The following CENPT variants were observed in gnomAD, a reference collection of about 807,000 sequenced individuals.
The protein encoded by CENPT is interphase centromere complex protein 22.
CENPT carries 42 observed loss-of-function variants against 59.7 expected under a neutral mutation model. The ratio of observed to expected loss-of-function variants is 0.70; its 90% CI spans 0.55 to 0.91. The LOEUF is 0.91. Ranked by LOEUF, CENPT falls within the 40% of genes least tolerant of loss-of-function variation. The pLI, the probability that CENPT is intolerant of heterozygous loss-of-function variation, is 0.00. For missense variants in CENPT, 716 were observed against 713.4 expected, an observed-to-expected ratio of 1.00 and a Z score of -0.04; for synonymous variants, 295 against 289.6, an observed-to-expected ratio of 1.02 and a Z score of -0.19.
intron 6 of CENPT, 33 bp from the exon 7 acceptor site, chr16:67,832,141 C>G: frequency 6.2e-7 from 1 of 1,607,926 alleles, no homozygotes; most frequent in Admixed American, 1.7e-5. Context: ...GTGGGGCTGA[C>G]AGAACAGGCC....
chr16:67,832,319 T>C lies in CENPT; in HGVS notation c.202-4A>G. On this transcript the variant is annotated splice_region_variant and splice_polypyrimidine_tract_variant and intron_variant, in intron 5 of 15. Transcript: ENST00000562787. The stretch of plus-strand genomic sequence containing the variant: ...TATGGGCCGATCTGCCAACAGACTA[T>C]CGGCAAAGCACCAAGCAACCAGTCT... 6.2e-7 allele frequency: 1 copy of C among 1,614,090 alleles called. No homozygotes were observed. The highest frequency in any genetic ancestry group is 8.5e-7 in the Non-Finnish European group (1 of 1,179,960).
Position 67,835,616 on chromosome 16 carries a change from C to G in CENPT, c.-449G>C, listed in dbSNP as rs1024862653. On this transcript the variant is annotated 5_prime_UTR_variant, in exon 2 of 16. Coordinates refer to ENST00000562787, the MANE Select transcript of CENPT (RefSeq NM_025082.4). Reference sequence around the variant, plus strand: ...GAGGCAGAGGTTGCAGAGCTGAGATCGAGCCACACTACTCCAGCTTGGGCG... The same window carrying G: ...GAGGCAGAGGTTGCAGAGCTGAGATGGAGCCACACTACTCCAGCTTGGGCG... 1.3e-5 allele frequency: 2 copies of G among 151,790 alleles called. No homozygotes were observed. Among genetic ancestry groups the G allele is most frequent in the South Asian group, 2.1e-4 (1 of 4,818 alleles). 9.4% of individuals were successfully genotyped at this position (151,790 alleles called of 1,614,324 possible). A position where few individuals can be genotyped will look rare whatever the true frequency, so the allele number is the denominator to read the frequency against.
intron 1 of CENPT, among the ~76,000 whole-genome samples, chr16:67,836,592 C>T (rs2057736013): frequency 6.6e-6 from 1 of 151,848 alleles, no homozygotes; most frequent in African/African-American, 2.4e-5. Context: ...GGCCCACCGC[C>T]AAGCCCGGCT....
chr16:67,840,657 T>C (rs1567373159), intron 1 of CENPT, among the ~76,000 whole-genome samples: 1 of 151,934 alleles, frequency 6.6e-6, no homozygotes, highest in Non-Finnish European at 1.5e-5. Context: ...ACCTGGGTGA[T>C]GAAATAATCT....
chr16:67,828,437 C>T (rs2057628255), intron 15 of CENPT, 37 bp downstream of exon 15: 1 of 1,613,724 alleles, frequency 6.2e-7, no homozygotes, highest in Non-Finnish European at 8.5e-7. Context: ...CACCAAAACT[C>T]CCCCAGCCAG....
At chr16:67,834,914 T>C (rs1308397766) in intron 3 of CENPT, among the ~76,000 whole-genome samples, 1 of 152,150 alleles carries the variant, frequency 6.6e-6, no homozygotes, top group African/African-American at 2.4e-5. Context: ...CAATCTCGGC[T>C]CACCGCAACC....
In CENPT at chr16:67,843,651, ATTGTTTCCTCC is replaced by A. The variant is rs2057780005; in HGVS notation, c.-492+3739_-492+3749del. 4 of 747,978 alleles carry A rather than the reference ATTGTTTCCTCC, an allele frequency of 5.3e-6. No individual in the cohort carries two copies. The highest frequency in any genetic ancestry group is 8.6e-6 in the Non-Finnish European group (4 of 466,822). 46.3% of individuals were successfully genotyped at this position (747,978 alleles called of 1,614,324 possible). The stretch of plus-strand genomic sequence containing the variant: ...TCTTGCTGGTGACCTGGCATCCTCA[ATTGTTTCCTCC>A]TGAAGTGGAAGCTGGGGCCTTAGAC... On this transcript the variant is annotated intron_variant, in intron 1 of 15. Transcript: ENST00000562787. This position sits in a 1 kb window ranked among gnomAD's most constrained non-coding sequence, Gnocchi z 5.7.
chr16:67,830,656 C>T, intron 10 of CENPT, 108 bp from the exon 11 acceptor site: 1 of 1,181,664 alleles, frequency 8.5e-7, no homozygotes. Flanking sequence ...GTTGCCAGGG[C>T]CTGGACAGTG....
chr16:67,847,400 C>G lies in CENPT; in HGVS notation c.-492+1G>C, dbSNP rs1246706600. 2.0e-5 allele frequency: 3 copies of G among 152,310 alleles called. No individual in the cohort carries two copies. Among genetic ancestry groups the G allele is most frequent in the African/African-American group, 7.2e-5 (3 of 41,448 alleles). 9.4% of individuals were successfully genotyped at this position (152,310 alleles called of 1,614,324 possible). On this transcript the variant is annotated splice_donor_variant, in intron 1 of 15. Coordinates refer to ENST00000562787, the MANE Select transcript of CENPT (RefSeq NM_025082.4). LOFTEE classifies it low-confidence loss of function (5UTR_SPLICE). ...CCCCAGCCCCACGTCCTGCTACCCA[C>G]CTACGAAGGATCCGGGGATGGGCAG...
In CENPT at chr16:67,832,518, A is replaced by T; in HGVS notation, c.138T>A (p.Ala46=). The change falls in exon 5 of 16, where the codon GCT becomes GCA. Residue 46 remains alanine (A), a synonymous_variant. Coordinates refer to ENST00000562787, the MANE Select transcript of CENPT (RefSeq NM_025082.4). ...TTTGGCCACTCAACTTCCTGGGGGA[A>T]GCCGTTTCAAGCAGGGCTCTCCGGG... ...AGARRALLET[A]SPRKLSGQTR... 1 of 1,614,124 alleles carries T rather than the reference A, an allele frequency of 6.2e-7. No individual in the cohort carries two copies. The highest frequency in any genetic ancestry group is 8.5e-7 in the Non-Finnish European group (1 of 1,180,020).
chr16:67,828,342 C>T lies in CENPT; in HGVS notation c.1611G>A (p.Arg537=). 6.2e-7 allele frequency: 1 copy of T among 1,609,558 alleles called. No individual in the cohort carries two copies. The change falls in exon 16 of 16, where the codon CGG becomes CGA. Residue 537 remains arginine, a synonymous_variant. Coordinates refer to ENST00000562787, the MANE Select transcript of CENPT (RefSeq NM_025082.4). ...DQVSLHVLVE[R]HLPLEYRQLL... Reference sequence around the variant, plus strand: ...GCTGCCGGTACTCCAGGGGCAGGTGCCGCTCCACTAGCACGTGCAGTGAGA... The same window carrying T: ...GCTGCCGGTACTCCAGGGGCAGGTGTCGCTCCACTAGCACGTGCAGTGAGA...
chr16:67,830,156 T>C (rs756726426), intron 11 of CENPT, 68 bp from the exon 12 acceptor site: 1 of 1,489,356 alleles, frequency 6.7e-7, no homozygotes, highest in South Asian at 1.2e-5. Flanking sequence ...CAGAGAAGGG[T>C]AAAGATGGAC....
rs1337733369 is a variant in CENPT, at chr16:67,830,001, A to C, written c.950T>G (p.Val317Gly). 2 of 1,614,032 alleles carry C rather than the reference A, an allele frequency of 1.2e-6. No homozygotes were observed. Among genetic ancestry groups the C allele is most frequent in the African/African-American group, 2.7e-5 (2 of 74,912 alleles). The stretch of plus-strand genomic sequence containing the variant: ...GGGCTCTACTTCATCTTCTCCAGAG[A>C]CACCACTGCTGGTGCTCAGGAAGCC... ...ALGFLSTSSG[V>G]SGEDEVEPLH... is the part of the protein sequence containing the mutation. The change falls in exon 12 of 16, where the codon GTC (valine) becomes GGC (glycine). Residue 317 changes from valine (V) to glycine (G), a missense_variant. Transcript: ENST00000562787.
At chr16:67,846,452 C>T (rs1026036440) in intron 1 of CENPT, among the ~76,000 whole-genome samples, 1 of 152,270 alleles carries the variant, frequency 6.6e-6, no homozygotes, top group African/African-American at 2.4e-5. Context: ...GCGTTCCGCC[C>T]GGGCTGGTTA....
chr16:67,833,635 G>C (rs1365604037), intron 4 of CENPT, 115 bp downstream of exon 4: 5 of 599,564 alleles, frequency 8.3e-6, no homozygotes, highest in Non-Finnish European at 1.4e-5. Context: ...CCCAGACCCT[G>C]CTCCTCTCTG....
At chr16:67,832,413 A>C (rs2057702025) in intron 5 of CENPT, 42 bp downstream of exon 5, 1 of 1,610,662 alleles carries the variant, frequency 6.2e-7, no homozygotes, top group African/African-American at 1.3e-5. Context: ...CCCCTCCCCG[A>C]GGCAGCCAGG....
chr16:67,844,782 A>ATT (rs61398471), intron 1 of CENPT, among the ~76,000 whole-genome samples: 2 of 142,324 alleles, frequency 1.4e-5, no homozygotes, highest in Non-Finnish European at 1.6e-5. Flanking sequence ...GCCTGCCTCT[A>ATT]TTTTTTTTTT....
chr16:67,846,332 T>TGAGG (rs2057797997), intron 1 of CENPT, among the ~76,000 whole-genome samples: 1 of 152,238 alleles, frequency 6.6e-6, no homozygotes, highest in African/African-American at 2.4e-5. Flanking sequence ...AAGCCCCACC[T>TGAGG]GAGGGACATT....
intron 1 of CENPT, among the ~76,000 whole-genome samples, chr16:67,836,339 C>T (rs1420359618): frequency 6.6e-6 from 1 of 152,084 alleles, no homozygotes; most frequent in Non-Finnish European, 1.5e-5. Flanking sequence ...GGATTACAGG[C>T]GTGAGCCACT....
Sources: allele counts gnomAD v4.1 joint callset (sites outside exome capture counted in the v4.1 genomes callset), GRCh38; gene constraint gnomAD v4.1.1; non-coding constraint Gnocchi (gnomAD v3.1); transcripts MANE v1.5; gene names NCBI Gene and HGNC (gene_info 2026-07-23, HGNC 2026-07-21).